TBL1X: variants seen among roughly 807,000 people sequenced by gnomAD.
TBL1X encodes transducin beta like 1 X-linked, also known as F-box-like/WD repeat-containing protein TBL1X.
Under a neutral mutation model 50.7 loss-of-function variants are expected in TBL1X, and 10 were observed. The observed-to-expected ratio is 0.20, with a 90% CI of 0.12 to 0.33. The LOEUF is 0.33. Among genes scored for constraint, TBL1X ranks in the 10% least tolerant of loss-of-function variants. The probability of loss-of-function intolerance (pLI) is 1.00; values close to 1 mark genes in which losing one functional copy is unlikely to be tolerated. For synonymous variants in TBL1X, 190 were observed against 214.7 expected, an observed-to-expected ratio of 0.88 and a Z score of 1.01; for missense variants, 340 against 504.4, an observed-to-expected ratio of 0.67 and a Z score of 3.12.
chrX:9,668,240 T>G (rs2082941887), intron 5 of TBL1X, among the ~76,000 whole-genome samples: 2 of 111,204 alleles, frequency 1.8e-5, no homozygotes, highest in African/African-American at 3.3e-5. Context: ...CTGAGACTTG[T>G]GTCATCCATA....
At chrX:9,546,849 C>T (rs1228945040) in intron 2 of TBL1X, among the ~76,000 whole-genome samples, 6 of 75,682 alleles carry the variant, frequency 7.9e-5, no homozygotes, top group African/African-American at 3.0e-4. Flanking sequence ...GACGGAGTCT[C>T]GCTCTGTCGC....
At chrX:9,648,768 G>T (rs921542876) in intron 3 of TBL1X, among the ~76,000 whole-genome samples, 1 of 112,137 alleles carries the variant, frequency 8.9e-6, no homozygotes, top group South Asian at 3.7e-4. Context: ...GCTACACTAC[G>T]AATACCACTA....
intron 6 of TBL1X, among the ~76,000 whole-genome samples, chrX:9,686,810 T>C (rs745694770): frequency 2.8e-4 from 31 of 112,446 alleles, no homozygotes; most frequent in Non-Finnish European, 4.5e-4. Flanking sequence ...TGTGAACATA[T>C]GAAGGAGGAA....
chrX:9,653,918 G>T (rs1253133787), intron 4 of TBL1X, among the ~76,000 whole-genome samples: 1 of 111,784 alleles, frequency 8.9e-6, no homozygotes, highest in African/African-American at 3.3e-5. Flanking sequence ...GTTGTTTGTT[G>T]TCGTGCTCTG....
intron 5 of TBL1X, among the ~76,000 whole-genome samples, chrX:9,682,574 A>T (rs1018564994): frequency 8.9e-6 from 1 of 112,125 alleles, no homozygotes; most frequent in Non-Finnish European, 1.9e-5. Context: ...AGGAGAGCAC[A>T]GCGCAGAGCT....
At chrX:9,492,002 T>A (rs1283956435) in intron 1 of TBL1X, among the ~76,000 whole-genome samples, 1 of 111,848 alleles carries the variant, frequency 8.9e-6, no homozygotes, top group African/African-American at 3.3e-5. Context: ...GGATGCTGTG[T>A]CACCTGAAAT....
intron 1 of TBL1X, among the ~76,000 whole-genome samples, chrX:9,497,767 TCCCTCC>T (rs1569207433): frequency 2.2e-3 from 85 of 37,964 alleles, no homozygotes; most frequent in Non-Finnish European, 2.4e-3. Flanking sequence ...CCTCCCTCCC[TCCCTCC>T]CTCTCTCTCT....
intron 2 of TBL1X, among the ~76,000 whole-genome samples, chrX:9,562,706 A>G (rs1343543883): frequency 3.6e-5 from 4 of 111,234 alleles, no homozygotes; most frequent in African/African-American, 9.8e-5. Context: ...TTTTTCCTGA[A>G]TATTTATTTC....
intron 2 of TBL1X, among the ~76,000 whole-genome samples, chrX:9,618,910 T>C (rs908404070): frequency 1.8e-5 from 2 of 111,992 alleles, no homozygotes; most frequent in African/African-American, 6.5e-5. Flanking sequence ...GAAAATACTC[T>C]TAATTAAGGC....
At chrX:9,614,947 A>G (rs2082632069) in intron 2 of TBL1X, among the ~76,000 whole-genome samples, 1 of 111,848 alleles carries the variant, frequency 8.9e-6, no homozygotes, top group Admixed American at 9.5e-5. Context: ...ACTGCAAGTG[A>G]TAATTCTCGT....
intron 1 of TBL1X, among the ~76,000 whole-genome samples, chrX:9,480,179 C>T (rs938827169): frequency 5.4e-5 from 6 of 111,850 alleles, no homozygotes; most frequent in African/African-American, 2.0e-4. Context: ...GTCTCGAACT[C>T]CTGACCTCAG....
chrX:9,587,757 A>C (rs1005720235), intron 2 of TBL1X, among the ~76,000 whole-genome samples: 2 of 110,788 alleles, frequency 1.8e-5, no homozygotes, highest in African/African-American at 6.6e-5. Flanking sequence ...GAACATTTTC[A>C]TCACCTGGGG....
intron 3 of TBL1X, among the ~76,000 whole-genome samples, chrX:9,642,787 G>T (rs1159921795): frequency 8.9e-6 from 1 of 112,801 alleles, no homozygotes; most frequent in South Asian, 3.6e-4. Flanking sequence ...CCATTGCAGT[G>T]TGAAAGCAGT....
At chrX:9,707,872 GT>G in intron 13 of TBL1X, among the ~76,000 whole-genome samples, 1 of 112,430 alleles carries the variant, frequency 8.9e-6, no homozygotes, top group Non-Finnish European at 1.9e-5. Flanking sequence ...TGGGCCACGT[GT>G]GCCTCATGGA....
intron 3 of TBL1X, among the ~76,000 whole-genome samples, 164 bp downstream of exon 3, chrX:9,640,524 C>A (rs2082770195): frequency 8.9e-6 from 1 of 112,574 alleles, no homozygotes; most frequent in African/African-American, 3.2e-5. Flanking sequence ...AGTAGACAGA[C>A]AATCATTAAA....
chrX:9,682,825 G>GAGT (rs1464975879), intron 5 of TBL1X, among the ~76,000 whole-genome samples: 5 of 112,062 alleles, frequency 4.5e-5, no homozygotes, highest in African/African-American at 1.3e-4. Flanking sequence ...CAGGGAGGTA[G>GAGT]AGTGGCTGCT....
chrX:9,497,998 C>T (rs1251863181), intron 1 of TBL1X, among the ~76,000 whole-genome samples: 3 of 107,108 alleles, frequency 2.8e-5, no homozygotes, highest in Admixed American at 2.0e-4. Context: ...TCCCAAAGTG[C>T]TGGGATTACA....
chrX:9,682,039 G>C (rs1164717328), intron 5 of TBL1X, among the ~76,000 whole-genome samples: 1 of 112,791 alleles, frequency 8.9e-6, no homozygotes, highest in African/African-American at 3.2e-5. Context: ...GTCAAGCCAA[G>C]AATGCAGTGA....
intron 6 of TBL1X, 131 bp downstream of exon 6, chrX:9,684,319 T>A (rs2083043583): frequency 1.1e-6 from 1 of 922,828 alleles, no homozygotes; most frequent in Non-Finnish European, 1.5e-6. Context: ...GTGCAGTGGC[T>A]CATGCCTGTA....
Sources: gnomAD v4.1 joint callset for allele counts (sites outside exome capture counted in the v4.1 genomes callset) on GRCh38, gnomAD v4.1.1 for gene constraint, MANE v1.5 for transcripts, NCBI Gene and HGNC (gene_info 2026-07-23, HGNC 2026-07-21) for gene names.